Variants in NLGN1 observed in about 807,000 individuals in gnomAD.
NLGN1 encodes neuroligin-1.
Under a neutral mutation model 65.5 loss-of-function variants are expected in NLGN1, and 12 were observed. That is an observed-to-expected ratio of 0.18 (90% CI 0.12 to 0.30). NLGN1 has a LOEUF of 0.30. NLGN1 is among the 10% of genes least tolerant of loss of function. The pLI is 1.00. For synonymous variants in NLGN1, 350 were observed against 359.5 expected (o/e 0.97, Z 0.30); for missense variants, 750 against 1,007.1 (o/e 0.74, Z 3.46).
intron 3 of NLGN1, among the ~76,000 whole-genome samples, chr3:173,752,536 T>C (rs1252477448): frequency 1.3e-5 from 2 of 152,106 alleles, no homozygotes; most frequent in Non-Finnish European, 1.5e-5. Context: ...TCCTTATTTA[T>C]CATAGCATTA....
chr3:173,880,109 TC>T (rs1209835537), intron 4 of NLGN1, among the ~76,000 whole-genome samples: 2 of 152,158 alleles, frequency 1.3e-5, no homozygotes, highest in Non-Finnish European at 2.9e-5. Context: ...CAAAAGTAGA[TC>T]AACCTTAAAA....
intron 4 of NLGN1, among the ~76,000 whole-genome samples, chr3:173,952,731 TA>T (rs1447816904): frequency 5.3e-5 from 8 of 152,178 alleles, no homozygotes; most frequent in Non-Finnish European, 1.2e-4. Context: ...TCCTTCATTT[TA>T]TTTTTTTATC....
chr3:173,713,104 T>C (rs1047850147), intron 3 of NLGN1, among the ~76,000 whole-genome samples: 3 of 152,142 alleles, frequency 2.0e-5, no homozygotes, highest in Admixed American at 6.5e-5. Context: ...TTTTTATAAT[T>C]CTGGGCAGAC....
intron 3 of NLGN1, among the ~76,000 whole-genome samples, chr3:173,726,854 C>T (rs1039157704): frequency 6.6e-6 from 1 of 150,632 alleles, no homozygotes; most frequent in Non-Finnish European, 1.5e-5. Context: ...AAATTAATAA[C>T]AGTCAGTAGT....
At chr3:173,703,432 G>A (rs1767563281) in intron 3 of NLGN1, among the ~76,000 whole-genome samples, 1 of 151,938 alleles carries the variant, frequency 6.6e-6, no homozygotes, top group South Asian at 2.1e-4. Context: ...TTTTACACTG[G>A]CTTTATTTAC....
At chr3:173,689,346 A>G (rs553997746) in intron 3 of NLGN1, among the ~76,000 whole-genome samples, 3 of 152,272 alleles carry the variant, frequency 2.0e-5, no homozygotes, top group African/African-American at 7.2e-5. Context: ...CTGGGAAGTT[A>G]CAGAGACTTG....
At chr3:173,434,189 A>G (rs879323242) in intron 1 of NLGN1, among the ~76,000 whole-genome samples, 2 of 152,218 alleles carry the variant, frequency 1.3e-5, no homozygotes, top group Admixed American at 1.3e-4. Context: ...ATGTTTAGAC[A>G]TATTCAAATT....
chr3:173,645,509 G>A (rs1005427540), intron 3 of NLGN1, among the ~76,000 whole-genome samples: 1 of 152,158 alleles, frequency 6.6e-6, no homozygotes, highest in Non-Finnish European at 1.5e-5. Context: ...AGTGGGCTGT[G>A]GCAGTGTCTC....
chr3:173,867,356 G>A (rs1730368098), intron 4 of NLGN1, among the ~76,000 whole-genome samples: 1 of 152,042 alleles, frequency 6.6e-6, no homozygotes, highest in African/African-American at 2.4e-5. Flanking sequence ...GCATTTTTCT[G>A]TATTGGCTAA....
At chr3:173,610,164 T>C (rs1752066762) in intron 3 of NLGN1, among the ~76,000 whole-genome samples, 1 of 151,938 alleles carries the variant, frequency 6.6e-6, no homozygotes, top group African/African-American at 2.4e-5. Context: ...ATTCTTCATA[T>C]ATTTTAAAGA....
chr3:173,786,432 A>T (rs1388178564), intron 3 of NLGN1, among the ~76,000 whole-genome samples: 1 of 152,220 alleles, frequency 6.6e-6, no homozygotes, highest in Non-Finnish European at 1.5e-5. Context: ...AGCTGCCAAC[A>T]GAAACAAATT....
At chr3:173,776,716 T>C (rs1420929560) in intron 3 of NLGN1, among the ~76,000 whole-genome samples, 1 of 152,018 alleles carries the variant, frequency 6.6e-6, no homozygotes, top group Non-Finnish European at 1.5e-5. Context: ...TTCCTCCGTA[T>C]ATAAAAGTAA....
At chr3:174,046,372 C>T (rs1178133022) in intron 4 of NLGN1, among the ~76,000 whole-genome samples, 1 of 145,106 alleles carries the variant, frequency 6.9e-6, no homozygotes, top group Non-Finnish European at 1.5e-5. Flanking sequence ...AAGCAGGCAA[C>T]TTTTTTTTTT....
chr3:174,061,149 T>C (rs1170781577), intron 4 of NLGN1, among the ~76,000 whole-genome samples: 1 of 152,006 alleles, frequency 6.6e-6, no homozygotes, highest in Non-Finnish European at 1.5e-5. Context: ...CATTAAAAGG[T>C]CGTAATGAAG....
intron 4 of NLGN1, among the ~76,000 whole-genome samples, chr3:174,129,343 C>T (rs973731945): frequency 2.2e-4 from 31 of 142,586 alleles, no homozygotes; most frequent in Admixed American, 3.7e-4. Flanking sequence ...CTCCCCCCAC[C>T]CCCGGTTTAC....
At chr3:173,570,591 C>T (rs9877187) in intron 2 of NLGN1, among the ~76,000 whole-genome samples, 11 of 152,168 alleles carry the variant, frequency 7.2e-5, no homozygotes, top group South Asian at 2.1e-4. Context: ...AGCCCTCCCC[C>T]CAATGGGTGC....
At chr3:174,056,569 CAA>C (rs1476630356) in intron 4 of NLGN1, among the ~76,000 whole-genome samples, 1 of 151,866 alleles carries the variant, frequency 6.6e-6, no homozygotes, top group Non-Finnish European at 1.5e-5. Context: ...AACGAGAATC[CAA>C]AGTTTGTATC....
upstream of NLGN1, chr3:173,398,039 C>A (rs1310064690): frequency 6.6e-6 from 1 of 152,274 alleles, no homozygotes; most frequent in Non-Finnish European, 1.5e-5. Context: ...CCACAGAGAC[C>A]AAGAGCATGG....
At chr3:174,060,403 G>C (rs1332846145) in intron 4 of NLGN1, among the ~76,000 whole-genome samples, 1 of 152,072 alleles carries the variant, frequency 6.6e-6, no homozygotes, top group Non-Finnish European at 1.5e-5. Context: ...CTCAGGATCT[G>C]ATTTAAAACT....
Sources: gnomAD v4.1 joint callset for allele counts (sites outside exome capture counted in the v4.1 genomes callset) on GRCh38, gnomAD v4.1.1 for gene constraint, MANE v1.5 for transcripts, NCBI Gene and HGNC (gene_info 2026-07-23, HGNC 2026-07-21) for gene names.